DIAPH2: variants seen among roughly 807,000 people sequenced by gnomAD.
DIAPH2 encodes diaphanous related formin 2.
DIAPH2 carries 35 observed loss-of-function variants against 92.7 expected under a neutral mutation model. That is an observed-to-expected ratio of 0.38 (90% CI 0.29 to 0.50). The LOEUF (loss-of-function observed/expected upper bound fraction) is 0.50, where lower values mean the gene tolerates loss of function less well. Among genes scored for constraint, DIAPH2 ranks in the 20% least tolerant of loss-of-function variants. The pLI is 0.94. For missense variants in DIAPH2, 701 were observed against 819.5 expected (o/e 0.86, Z 1.77); for synonymous variants, 301 against 280.4 (o/e 1.07, Z -0.73).
At chrX:97,106,166 A>G (rs1206674763) in intron 20 of DIAPH2, among the ~76,000 whole-genome samples, 2 of 111,630 alleles carry the variant, frequency 1.8e-5, no homozygotes, top group East Asian at 5.6e-4. Flanking sequence ...TTGCATATTC[A>G]GTGTGAAAAT....
chrX:96,821,877 A>G (rs920003475), intron 4 of DIAPH2, among the ~76,000 whole-genome samples: 1 of 111,922 alleles, frequency 8.9e-6, no homozygotes, highest in African/African-American at 3.2e-5. Context: ...GAAACACTTT[A>G]AAGATGCATT....
chrX:97,356,388 T>C (rs748484768), intron 24 of DIAPH2, among the ~76,000 whole-genome samples: 2 of 111,854 alleles, frequency 1.8e-5, no homozygotes, highest in African/African-American at 6.5e-5. Flanking sequence ...TAGTTAATCA[T>C]ATACACCCAG....
At chrX:97,476,984 T>C (rs12846111) in intron 26 of DIAPH2, among the ~76,000 whole-genome samples, 31 of 57,041 alleles carry the variant, frequency 5.4e-4, no homozygotes, top group East Asian at 2.0e-3. Context: ...TATATATATA[T>C]ACACACACAC....
At chrX:96,809,080 C>T (rs1296697242) in intron 4 of DIAPH2, among the ~76,000 whole-genome samples, 1 of 111,112 alleles carries the variant, frequency 9.0e-6, no homozygotes, top group Non-Finnish European at 1.9e-5. Flanking sequence ...ATATTGTTTC[C>T]TTGATATTGC....
intron 17 of DIAPH2, among the ~76,000 whole-genome samples, chrX:97,029,374 C>T (rs2066357557): frequency 9.1e-6 from 1 of 110,439 alleles, no homozygotes; most frequent in Admixed American, 9.6e-5. Flanking sequence ...TCTCCAATTC[C>T]TGGGCTCAAG....
At chrX:96,764,723 G>T (rs1431862526) in intron 4 of DIAPH2, among the ~76,000 whole-genome samples, 1 of 111,349 alleles carries the variant, frequency 9.0e-6, no homozygotes. Flanking sequence ...TTCTGCTAAG[G>T]TAGTCTGAGA....
chrX:97,251,501 C>T (rs1035040547), intron 23 of DIAPH2, among the ~76,000 whole-genome samples: 4 of 109,190 alleles, frequency 3.7e-5, no homozygotes, highest in Admixed American at 2.9e-4. Context: ...GGCGCGATCC[C>T]GGCTCACTGC....
chrX:96,881,340 A>G (rs2065211658), intron 4 of DIAPH2, among the ~76,000 whole-genome samples: 2 of 111,243 alleles, frequency 1.8e-5, no homozygotes, highest in Admixed American at 1.9e-4. Flanking sequence ...ATGTAATTCA[A>G]GTTCATATTC....
intron 17 of DIAPH2, among the ~76,000 whole-genome samples, chrX:97,051,027 A>G (rs1403461373): frequency 1.8e-5 from 2 of 111,833 alleles, no homozygotes; most frequent in Non-Finnish European, 3.8e-5. Flanking sequence ...TTAGAACACT[A>G]TAAATGTAAG....
intron 26 of DIAPH2, among the ~76,000 whole-genome samples, chrX:97,570,293 T>G (rs1427295880): frequency 9.7e-6 from 1 of 103,593 alleles, no homozygotes; most frequent in Non-Finnish European, 2.0e-5. Flanking sequence ...ATATATATAT[T>G]TTAAAACACT....
chrX:97,113,112 C>T (rs2066993883), intron 20 of DIAPH2, among the ~76,000 whole-genome samples: 1 of 110,999 alleles, frequency 9.0e-6, no homozygotes, highest in South Asian at 3.8e-4. Flanking sequence ...TCTATGTGTG[C>T]TTAAATTTAC....
chrX:96,814,560 G>A (rs1483502049), intron 4 of DIAPH2, among the ~76,000 whole-genome samples: 1 of 112,026 alleles, frequency 8.9e-6, no homozygotes, highest in Admixed American at 9.5e-5. Context: ...ATCCAGTTTT[G>A]TTCCGTTGCT....
intron 4 of DIAPH2, among the ~76,000 whole-genome samples, chrX:96,774,168 T>C (rs1419822857): frequency 9.0e-6 from 1 of 111,714 alleles, no homozygotes; most frequent in African/African-American, 3.3e-5. Flanking sequence ...GTACATTGTT[T>C]GGGGTTACAT....
chrX:97,071,450 C>T (rs762911271), intron 17 of DIAPH2, among the ~76,000 whole-genome samples: 39 of 110,969 alleles, frequency 3.5e-4, no homozygotes, highest in Non-Finnish European at 6.2e-4. Context: ...TATGTTGAAT[C>T]CACATGGCAA....
At chrX:96,759,680 A>T (rs368548816) in intron 4 of DIAPH2, among the ~76,000 whole-genome samples, 19 of 111,667 alleles carry the variant, frequency 1.7e-4, no homozygotes, top group East Asian at 5.6e-4. Context: ...ATAATAACAT[A>T]TGAATAATCA....
chrX:97,213,630 T>C (rs2067858844), intron 22 of DIAPH2, among the ~76,000 whole-genome samples: 1 of 112,252 alleles, frequency 8.9e-6, no homozygotes, highest in African/African-American at 3.2e-5. Flanking sequence ...GTAACTGTAT[T>C]AAATATTAGT....
chrX:97,302,236 A>G (rs1328884560), intron 23 of DIAPH2, among the ~76,000 whole-genome samples: 6 of 71,704 alleles, frequency 8.4e-5, no homozygotes, highest in East Asian at 5.1e-4. Context: ...AAAAAAAAGT[A>G]TTGGACACTC....
chrX:97,258,684 A>G (rs1042056371), intron 23 of DIAPH2, among the ~76,000 whole-genome samples: 3 of 107,808 alleles, frequency 2.8e-5, no homozygotes, highest in South Asian at 4.2e-4. Context: ...CCTGGCTAAC[A>G]CAGTGAAACC....
chrX:96,815,522 C>T (rs893134871), intron 4 of DIAPH2, among the ~76,000 whole-genome samples: 4 of 112,230 alleles, frequency 3.6e-5, no homozygotes, highest in African/African-American at 1.3e-4. Flanking sequence ...TCTCGCCCTC[C>T]GTGGGCTGCA....
Sources: gnomAD v4.1 joint callset for allele counts (sites outside exome capture counted in the v4.1 genomes callset) on GRCh38, gnomAD v4.1.1 for gene constraint, MANE v1.5 for transcripts, NCBI Gene and HGNC (gene_info 2026-07-23, HGNC 2026-07-21) for gene names.